GUCY1A1: variants seen among roughly 807,000 people sequenced by gnomAD.
The protein encoded by GUCY1A1 is guanylate cyclase soluble subunit alpha-1.
Under a neutral mutation model 64.5 loss-of-function variants are expected in GUCY1A1, and 48 were observed. The observed-to-expected ratio is 0.74, with a 90% CI of 0.59 to 0.95. The LOEUF (loss-of-function observed/expected upper bound fraction) is 0.95, where lower values mean the gene tolerates loss of function less well. Among genes scored for constraint, GUCY1A1 ranks in the 40% least tolerant of loss-of-function variants. The pLI is 0.00. For synonymous variants in GUCY1A1, 308 were observed against 303.4 expected, an observed-to-expected ratio of 1.02 and a Z score of -0.16; for missense variants, 804 against 825.3, an observed-to-expected ratio of 0.97 and a Z score of 0.32.
chr4:155,710,031 AAAC>A (rs1404001595), intron 5 of GUCY1A1, among the ~76,000 whole-genome samples: 4 of 152,238 alleles, frequency 2.6e-5, no homozygotes, highest in Non-Finnish European at 5.9e-5. Flanking sequence ...AGCTAACACT[AAAC>A]AACAAGAATG....
chr4:155,698,395 G>T (rs4691056), intron 3 of GUCY1A1, among the ~76,000 whole-genome samples: 146,531 of 152,238 alleles, frequency 0.96, 70,642 homozygotes, highest in East Asian at 1. Context: ...ATAAAGGATA[G>T]AGCCCTCCTC....
intron 2 of GUCY1A1, among the ~76,000 whole-genome samples, chr4:155,693,129 T>G (rs1434223947): frequency 1.3e-5 from 2 of 152,158 alleles, no homozygotes; most frequent in South Asian, 4.1e-4. Flanking sequence ...GAGGGTTGCC[T>G]TACTTGCACA....
chr4:155,708,112 C>G (rs1224291833), intron 4 of GUCY1A1, 124 bp from the exon 5 acceptor site: 1 of 542,298 alleles, frequency 1.8e-6, no homozygotes, highest in African/African-American at 1.9e-5. Flanking sequence ...GCTGGGATTA[C>G]AGGCGTGAGC....
chr4:155,728,733 T>C (rs150699383), intron 9 of GUCY1A1, among the ~76,000 whole-genome samples: 29 of 151,984 alleles, frequency 1.9e-4, no homozygotes, highest in Non-Finnish European at 3.4e-4. Flanking sequence ...TGATTTCTAA[T>C]TGATGCTTAG....
chr4:155,711,474 G>T, intron 6 of GUCY1A1: 2 of 360,140 alleles, frequency 5.6e-6, no homozygotes, highest in East Asian at 4.6e-5. Context: ...AATGCAGTCT[G>T]CCTTTTAATA....
At chr4:155,673,682 G>GA (rs1413725389) in intron 2 of GUCY1A1, among the ~76,000 whole-genome samples, 1 of 151,334 alleles carries the variant, frequency 6.6e-6, no homozygotes, top group East Asian at 1.9e-4. Context: ...GTGTGTGGCG[G>GA]AACGGGTAAT....
At chr4:155,718,268 G>C (rs1391682930) in intron 8 of GUCY1A1, among the ~76,000 whole-genome samples, 1 of 151,978 alleles carries the variant, frequency 6.6e-6, no homozygotes, top group Non-Finnish European at 1.5e-5. Context: ...GAAGAAAGAA[G>C]AAATTTAAAA....
Position 155,734,413 on chromosome 4 carries a change from G to C in GUCY1A1, c.*4182G>C, listed in dbSNP as rs1735865477. The C allele has an allele frequency of 6.6e-6, 1 of 151,906 alleles. No homozygotes were observed. The highest frequency in any genetic ancestry group is 6.6e-5 in the Admixed American group (1 of 15,222). The allele number at this position is 151,906 out of a possible 1,614,324, so 9.4% of individuals were successfully genotyped here. A position where few individuals can be genotyped will look rare whatever the true frequency, so the allele number is the denominator to read the frequency against. On this transcript the variant is annotated 3_prime_UTR_variant, in exon 10 of 10. Coordinates refer to ENST00000506455, the MANE Select transcript of GUCY1A1 (RefSeq NM_001130682.3). ...TTACTGCAGTGGTTTTAGGTGCATG[G>C]GTTTGACCCATGTAAATCATTTTAA...
At chr4:155,694,145 TC>T (rs1442196737) in intron 2 of GUCY1A1, among the ~76,000 whole-genome samples, 3 of 152,202 alleles carry the variant, frequency 2.0e-5, no homozygotes, top group Non-Finnish European at 2.9e-5. Flanking sequence ...TTAATAAAGC[TC>T]TTTTCCCTGA....
intron 4 of GUCY1A1, 136 bp from the exon 5 acceptor site, chr4:155,708,100 G>C (rs1732040396): frequency 5.9e-6 from 3 of 505,608 alleles, no homozygotes; most frequent in East Asian, 3.5e-5. Context: ...GCCTCCCAAA[G>C]TGCTGGGATT....
chr4:155,692,845 G>A (rs1472983196), intron 2 of GUCY1A1, among the ~76,000 whole-genome samples: 1 of 152,102 alleles, frequency 6.6e-6, no homozygotes, highest in Non-Finnish European at 1.5e-5. Context: ...GATCACCTGA[G>A]GTCAGGAGTT....
In GUCY1A1 at chr4:155,717,129, T is replaced by C. The variant is rs375579556; in HGVS notation, c.1573-30T>C. On this transcript the variant is annotated intron_variant, in intron 7 of 9. Transcript: ENST00000506455. ...GGCTGTGATTCTTCCTGAGCATTTATTTATAGTATGGAAAATATATTATGT... is the reference window on the plus strand; with the variant it reads ...GGCTGTGATTCTTCCTGAGCATTTACTTATAGTATGGAAAATATATTATGT... 1.3e-5 allele frequency: 17 copies of C among 1,350,248 alleles called. No individual in the cohort carries two copies. The African/African-American group carries it at 1.5e-4, about 12-fold the overall frequency. 83.6% of individuals were successfully genotyped at this position (1,350,248 alleles called of 1,614,324 possible). A position where few individuals can be genotyped will look rare whatever the true frequency, so the allele number is the denominator to read the frequency against.
At chr4:155,690,784 G>T (rs749898187) in intron 2 of GUCY1A1, among the ~76,000 whole-genome samples, 1 of 152,100 alleles carries the variant, frequency 6.6e-6, no homozygotes, top group Non-Finnish European at 1.5e-5. Flanking sequence ...GGCCACCCTT[G>T]GAACTGATAC....
At chr4:155,669,509 T>C (rs1252642062) in intron 2 of GUCY1A1, among the ~76,000 whole-genome samples, 1 of 152,094 alleles carries the variant, frequency 6.6e-6, no homozygotes, top group Non-Finnish European at 1.5e-5. Context: ...TTTATGGCAA[T>C]ACCAAAAACA....
rs150225713 is a variant in GUCY1A1, at chr4:155,720,701, A to G, written c.1717-1337A>G. ...GGAAAGTTTCTAGCAGATATCTGAA[A>G]TTAGTTATTAAAACTAGACATAACT... On this transcript the variant is annotated intron_variant, in intron 8 of 9. Coordinates refer to ENST00000506455, the MANE Select transcript of GUCY1A1 (RefSeq NM_001130682.3). Among the ~76,000 whole-genome samples, 713 of 152,306 alleles carry G rather than the reference A, an allele frequency of 4.7e-3. 4 individuals carry two copies. The highest frequency in any genetic ancestry group is 0.01 in the Admixed American group (154 of 15,278).
chr4:155,696,981 G>A lies in GUCY1A1; in HGVS notation c.114G>A (p.Glu38=). The A allele has an allele frequency of 6.2e-7, 1 of 1,613,742 alleles. No homozygotes were observed. The highest frequency in any genetic ancestry group is 8.5e-7 in the Non-Finnish European group (1 of 1,179,712). The change falls in exon 3 of 10, where the codon GAG becomes GAA. Residue 38 remains glutamate (E), a synonymous_variant. Transcript: ENST00000506455. ...ESSEEAAGSS[E]SCKATVPICQ... is the part of the protein sequence containing the mutation. ...CAGAGGAGGCAGCAGGAAGCTCAGA[G>A]AGCTGCAAAGCAACCGTGCCCATCT...
intron 2 of GUCY1A1, among the ~76,000 whole-genome samples, chr4:155,671,466 T>C (rs1734134158): frequency 6.6e-6 from 1 of 152,174 alleles, no homozygotes; most frequent in African/African-American, 2.4e-5. Flanking sequence ...TGTGCAGCTA[T>C]TTTATTCTTT....
chr4:155,712,924 C>T (rs189509781), intron 6 of GUCY1A1, among the ~76,000 whole-genome samples, 174 bp from the exon 7 acceptor site: 5 of 152,280 alleles, frequency 3.3e-5, no homozygotes, highest in African/African-American at 1.2e-4. Context: ...ACTCTTCAAA[C>T]ATCTGCACGC....
intron 2 of GUCY1A1, among the ~76,000 whole-genome samples, chr4:155,681,935 A>G (rs1319039747): frequency 6.6e-6 from 1 of 152,200 alleles, no homozygotes; most frequent in East Asian, 1.9e-4. Context: ...ATGTATCTAA[A>G]ACAAATTCAA....
Sources: allele counts gnomAD v4.1 joint callset (sites outside exome capture counted in the v4.1 genomes callset), GRCh38; gene constraint gnomAD v4.1.1; transcripts MANE v1.5; gene names NCBI Gene and HGNC (gene_info 2026-07-23, HGNC 2026-07-21).